SMAD3: variants seen among roughly 807,000 people sequenced by gnomAD.
The protein encoded by SMAD3 is SMAD family member 3, also known as MAD homolog 3.
Under a neutral mutation model 51.8 loss-of-function variants are expected in SMAD3, and 12 were observed. The observed-to-expected ratio is 0.23, with a 90% CI of 0.15 to 0.38. SMAD3 has a LOEUF of 0.38. Ranked by LOEUF, SMAD3 falls within the 10% of genes least tolerant of loss-of-function variation. SMAD3 has a pLI of 1.00. For missense variants in SMAD3, 294 were observed against 565.6 expected, an observed-to-expected ratio of 0.52 and a Z score of 4.87; for synonymous variants, 238 against 227.7, an observed-to-expected ratio of 1.05 and a Z score of -0.41.
At chr15:67,107,965 T>TCCCCCCCCCCCCCCCCCCCC (rs138958033) in intron 1 of SMAD3, among the ~76,000 whole-genome samples, 58 of 124,674 alleles carry the variant, frequency 4.7e-4, no homozygotes, top group Admixed American at 1.6e-3. Context: ...TGCTCTCCTC[T>TCCCCCCCCCCCCCCCCCCCC]CCCCCCCACC....
intron 1 of SMAD3, among the ~76,000 whole-genome samples, chr15:67,118,034 G>A (rs1195385833): frequency 6.6e-6 from 1 of 152,266 alleles, no homozygotes; most frequent in Non-Finnish European, 1.5e-5. Context: ...GGAGGTTGCA[G>A]TGGGCTGAGA....
intron 6 of SMAD3, 75 bp from the exon 7 acceptor site, chr15:67,184,652 G>T: frequency 6.3e-7 from 1 of 1,577,752 alleles, no homozygotes; most frequent in South Asian, 1.1e-5. Context: ...TGCCTCCTTT[G>T]CGAGCCTCAG....
In SMAD3 at chr15:67,170,592, C is replaced by A. The variant is rs1412644313; in HGVS notation, c.646C>A (p.His216Asn). Residue 216 changes from histidine (H) to asparagine (N), a missense_variant, in exon 5 of 9, where the codon CAT becomes AAT. His to Asn is a moderately conservative substitution (Grantham distance 68, BLOSUM62 1). Around this residue, in one of 3 missense-constraint regions of SMAD3, gnomAD observed 29 missense variants for 26.7 expected, o/e 1.09. Transcript: ENST00000327367. The part of the protein sequence containing the change: ...NLSPNPMSPA[H>N]NNLDLQPVTY... Reference sequence around the variant, plus strand: ...ATCCCCGAATCCGATGTCCCCAGCACATAATAACTTGGGTGAGTATCTCCT... The same window carrying A: ...ATCCCCGAATCCGATGTCCCCAGCAAATAATAACTTGGGTGAGTATCTCCT... 2 of 1,613,910 alleles carry A rather than the reference C, an allele frequency of 1.2e-6. No individual in the cohort carries two copies. Among genetic ancestry groups the A allele is most frequent in the South Asian group, 2.2e-5 (2 of 91,082 alleles).
intron 1 of SMAD3, chr15:67,138,189 G>T (rs1961717311): frequency 2.0e-6 from 2 of 1,003,400 alleles, no homozygotes; most frequent in Non-Finnish European, 3.1e-6. Context: ...AGATCTGTCA[G>T]AGTTTCTCCG....
At chr15:67,152,240 T>C (rs1193940656) in intron 1 of SMAD3, among the ~76,000 whole-genome samples, 2 of 152,244 alleles carry the variant, frequency 1.3e-5, no homozygotes, top group African/African-American at 4.8e-5. Flanking sequence ...TCATTTTTGT[T>C]TCCACCAAAT....
intron 6 of SMAD3, among the ~76,000 whole-genome samples, chr15:67,183,027 ATATATTTTT>A (rs1963123778): frequency 1.1e-4 from 7 of 63,854 alleles, no homozygotes; most frequent in East Asian, 6.1e-4. Context: ...ATATATATAT[ATATATTTTT>A]TTTTTTTTTT....
intron 1 of SMAD3, among the ~76,000 whole-genome samples, chr15:67,119,642 G>A (rs1378911595): frequency 1.3e-5 from 2 of 152,286 alleles, no homozygotes; most frequent in East Asian, 3.9e-4. Context: ...GCACACACTC[G>A]GGAATGGGAA....
At chr15:67,162,946 G>GTGATGATGATGA (rs57597599) in intron 1 of SMAD3, among the ~76,000 whole-genome samples, 10 of 145,348 alleles carry the variant, frequency 6.9e-5, no homozygotes, top group Admixed American at 1.4e-4. Context: ...GTAGGTTTCT[G>GTGATGATGATGA]TGATGATGAT....
rs1959975360 is a variant in SMAD3 at position 67,068,345 on chromosome 15, GCC to G, written c.206+1987_206+1988del. On this transcript the variant is annotated intron_variant, in intron 1 of 8. Coordinates refer to ENST00000327367, the MANE Select transcript of SMAD3 (RefSeq NM_005902.4). ...CTAAAGCTGTGTTAGCTTGGGGAGGGCCCTGTGGATCTTTGTATGTGCGGTTG... is the reference window on the plus strand; with the variant it reads ...CTAAAGCTGTGTTAGCTTGGGGAGGGCTGTGGATCTTTGTATGTGCGGTTG... 2.6e-5 allele frequency among the ~76,000 whole-genome samples: 4 copies of G among 152,234 alleles called. No individual in the cohort carries two copies. In the South Asian group the frequency reaches 8.3e-4, roughly 32 times the overall value.
intron 5 of SMAD3, among the ~76,000 whole-genome samples, chr15:67,170,842 C>T (rs1014370269): frequency 4.6e-5 from 7 of 152,142 alleles, no homozygotes; most frequent in Non-Finnish European, 8.8e-5. Flanking sequence ...CCCTGGGGGG[C>T]GGGTAGACGT....
intron 1 of SMAD3, among the ~76,000 whole-genome samples, chr15:67,074,712 C>T (rs1423590098): frequency 2.6e-5 from 4 of 152,052 alleles, no homozygotes; most frequent in Non-Finnish European, 5.9e-5. Context: ...TTTTTTGAGA[C>T]GGAGTCTTGC....
At chr15:67,075,744 G>A (rs951881562) in intron 1 of SMAD3, among the ~76,000 whole-genome samples, 2 of 151,934 alleles carry the variant, frequency 1.3e-5, no homozygotes, top group Non-Finnish European at 2.9e-5. Flanking sequence ...GTGAAACCTC[G>A]GCTCTACTAA....
In SMAD3 at chr15:67,165,007, G is replaced by T; in HGVS notation, c.319G>T (p.Glu107Ter). ...LHSHHELRAMELCEFAFNMKK... is the reference protein window; with the variant it reads ...LHSHHELRAM ...CAGCCACCACGAGCTACGGGCCATG[G>T]AGCTGTGTGAGTTCGCCTTCAATAT... Residue 107 changes from glutamate to a stop codon, truncating the protein, a stop_gained, in exon 2 of 9, where the codon GAG becomes TAG. Transcript: ENST00000327367. LOFTEE classifies it high-confidence loss of function. The T allele has an allele frequency of 6.2e-7, 1 of 1,614,166 alleles. No homozygotes were observed. Among genetic ancestry groups the T allele is most frequent in the Non-Finnish European group, 8.5e-7 (1 of 1,180,028 alleles).
chr15:67,075,497 G>T (rs1163296693), intron 1 of SMAD3, among the ~76,000 whole-genome samples: 1 of 152,212 alleles, frequency 6.6e-6, no homozygotes, highest in Non-Finnish European at 1.5e-5. Flanking sequence ...TCTCAAGTCT[G>T]ATGGGTTTGG....
At chr15:67,083,805 A>C (rs544933097) in intron 1 of SMAD3, among the ~76,000 whole-genome samples, 1 of 152,302 alleles carries the variant, frequency 6.6e-6, no homozygotes, top group African/African-American at 2.4e-5. Flanking sequence ...GATGTTCATG[A>C]TTACTGGAGC....
intron 1 of SMAD3, among the ~76,000 whole-genome samples, chr15:67,087,974 A>G (rs975155771): frequency 4.6e-5 from 7 of 152,230 alleles, no homozygotes; most frequent in African/African-American, 1.7e-4. Flanking sequence ...GCCATGGTTT[A>G]GATCAGAGTT....
intron 1 of SMAD3, among the ~76,000 whole-genome samples, chr15:67,161,389 G>T (rs1275645276): frequency 6.6e-6 from 1 of 152,124 alleles, no homozygotes; most frequent in Non-Finnish European, 1.5e-5. Context: ...TTACTACTAA[G>T]GCAAGAGGGC....
intron 1 of SMAD3, among the ~76,000 whole-genome samples, chr15:67,142,127 A>G (rs908532679): frequency 1.4e-5 from 2 of 146,750 alleles, no homozygotes; most frequent in African/African-American, 5.1e-5. Flanking sequence ...CCGCTCTTTT[A>G]CCCCCTTTCC....
chr15:67,097,614 C>G (rs1341154111), intron 1 of SMAD3, among the ~76,000 whole-genome samples: 1 of 152,082 alleles, frequency 6.6e-6, no homozygotes, highest in African/African-American at 2.4e-5. Context: ...CCTTGGTTTA[C>G]CCATCTATAA....
Sources: allele counts gnomAD v4.1 joint callset (sites outside exome capture counted in the v4.1 genomes callset), GRCh38; gene constraint gnomAD v4.1.1; regional missense constraint gnomAD v4.1.1; transcripts MANE v1.5; gene names NCBI Gene and HGNC (gene_info 2026-07-23, HGNC 2026-07-21).